GNG2: variants seen among roughly 807,000 people sequenced by gnomAD.
GNG2 encodes the protein G protein subunit gamma 2, also known as guanine nucleotide-binding protein G(I)/G(S)/G(O) subunit gamma-2.
GNG2 carries 5 observed loss-of-function variants against 5.5 expected under a neutral mutation model. The observed-to-expected ratio is 0.91, with a 90% CI of 0.48 to 1.92. The LOEUF is 1.92. Ranked by LOEUF, GNG2 falls within the 30% of genes most tolerant of loss-of-function variation. The pLI is 0.01. For missense variants in GNG2, 55 were observed against 88.4 expected, an observed-to-expected ratio of 0.62 and a Z score of 1.52; for synonymous variants, 28 against 32.0, an observed-to-expected ratio of 0.88 and a Z score of 0.42.
chr14:51,933,659 G>A (rs1253706), intron 2 of GNG2, among the ~76,000 whole-genome samples: 79,321 of 152,064 alleles, frequency 0.52, 22,054 homozygotes, highest in African/African-American at 0.73. Context: ...AATGAGAGCC[G>A]CTGCTCGAGT....
In GNG2 at chr14:51,905,194, T is replaced by C. The variant is rs190217365; in HGVS notation, c.-30+27537T>C. On this transcript the variant is annotated intron_variant, in intron 2 of 3. Coordinates refer to ENST00000556766, the MANE Select transcript of GNG2 (RefSeq NM_053064.5). ...GGAAATAGTTTGTCCCAAATAACTA[T>C]TTACCTTTCACTGTGGCTCCAATCT... 1.1e-4 allele frequency among the ~76,000 whole-genome samples: 17 copies of C among 152,324 alleles called. No homozygotes were observed. The East Asian group carries it at 2.3e-3, about 21-fold the overall frequency.
chr14:51,929,421 A>T (rs894913333), intron 2 of GNG2, among the ~76,000 whole-genome samples: 2 of 152,236 alleles, frequency 1.3e-5, no homozygotes, highest in African/African-American at 4.8e-5. Flanking sequence ...AGAGGCACTA[A>T]GCAGCCTTTC....
Position 51,955,652 on chromosome 14 carries a change from G to A in GNG2, c.87+4887G>A, listed in dbSNP as rs538327522. On this transcript the variant is annotated intron_variant, in intron 3 of 3. Transcript: ENST00000556766. ...GGACTTGGAGATTCCAAGCATGAATGTAACTGGACAAATAAAGCTGTGGTA... is the reference window on the plus strand; with the variant it reads ...GGACTTGGAGATTCCAAGCATGAATATAACTGGACAAATAAAGCTGTGGTA... 5.3e-5 allele frequency among the ~76,000 whole-genome samples: 8 copies of A among 152,294 alleles called. No homozygotes were observed. In the East Asian group the frequency reaches 9.6e-4, roughly 18 times the overall value.
intron 1 of GNG2, among the ~76,000 whole-genome samples, chr14:51,874,418 C>G (rs2140127873): frequency 1.7e-5 from 2 of 118,370 alleles, no homozygotes; most frequent in African/African-American, 6.6e-5. Context: ...GAGCGAGACT[C>G]TGTCTCAAAA....
intron 2 of GNG2, among the ~76,000 whole-genome samples, chr14:51,881,649 A>G (rs1884078932): frequency 1.3e-5 from 2 of 151,774 alleles, no homozygotes. Context: ...ACTTGAAAGA[A>G]CAATAAATTA....
intron 3 of GNG2, among the ~76,000 whole-genome samples, chr14:51,954,953 G>A (rs928728083): frequency 6.6e-6 from 1 of 152,132 alleles, no homozygotes; most frequent in Non-Finnish European, 1.5e-5. Context: ...CCATTATACA[G>A]ACATAGCCCC....
Position 51,966,962 on chromosome 14 carries a change from G to GCCCCCC in GNG2, c.*280_*285dup, listed in dbSNP as rs58532727. 1.1e-3 allele frequency: 112 copies of GCCCCCC among 106,420 alleles called. No homozygotes were observed. The highest frequency in any genetic ancestry group is 1.7e-3 in the African/African-American group (41 of 24,108). 6.6% of individuals were successfully genotyped at this position (106,420 alleles called of 1,614,324 possible). On this transcript the variant is annotated 3_prime_UTR_variant, in exon 4 of 4. Coordinates refer to ENST00000556766, the MANE Select transcript of GNG2 (RefSeq NM_053064.5). Reference sequence around the variant, plus strand: ...GTCACTTCTTTTCTGCTATCCCCCAGCCCCCCCCCCAAAATCCTCATGTTT... The same window carrying GCCCCCC: ...GTCACTTCTTTTCTGCTATCCCCCAGCCCCCCCCCCCCCCCCAAAATCCTCATGTTT...
intron 2 of GNG2, among the ~76,000 whole-genome samples, chr14:51,942,329 C>T (rs748850627): frequency 1.3e-5 from 2 of 152,012 alleles, no homozygotes; most frequent in Non-Finnish European, 2.9e-5. Flanking sequence ...GGCCTTTGAG[C>T]AGCACAATTC....
At chr14:51,870,366 A>T (rs530200707) in intron 1 of GNG2, among the ~76,000 whole-genome samples, 1 of 152,376 alleles carries the variant, frequency 6.6e-6, no homozygotes, top group South Asian at 2.1e-4. Context: ...AACCTTCTAA[A>T]CAAAATATTC....
At chr14:51,907,535 T>C (rs768031247) in intron 2 of GNG2, among the ~76,000 whole-genome samples, 2 of 152,224 alleles carry the variant, frequency 1.3e-5, no homozygotes, top group Non-Finnish European at 2.9e-5. Context: ...AGATTGCCTT[T>C]AGCAAGGAAA....
intron 1 of GNG2, among the ~76,000 whole-genome samples, chr14:51,862,728 A>G (rs1882599658): frequency 6.6e-6 from 1 of 152,264 alleles, no homozygotes; most frequent in Non-Finnish European, 1.5e-5. Context: ...AACAACTAAG[A>G]GGTGCCTATT....
intron 2 of GNG2, among the ~76,000 whole-genome samples, chr14:51,884,674 G>C (rs898861304): frequency 3.3e-5 from 5 of 152,182 alleles, no homozygotes; most frequent in Admixed American, 1.3e-4. Flanking sequence ...TTTTGATTCT[G>C]CCCCTTGGAC....
At chr14:51,921,555 T>G (rs1887016372) in intron 2 of GNG2, among the ~76,000 whole-genome samples, 1 of 152,210 alleles carries the variant, frequency 6.6e-6, no homozygotes, top group African/African-American at 2.4e-5. Flanking sequence ...ATAGAATGCT[T>G]TATTTCATGC....
intron 3 of GNG2, among the ~76,000 whole-genome samples, chr14:51,951,474 G>A (rs552678162): frequency 3.9e-5 from 6 of 152,218 alleles, no homozygotes; most frequent in Admixed American, 6.5e-5. Flanking sequence ...GCTATGGCAC[G>A]GTGGCAAAGT....
At chr14:51,926,203 C>T (rs1354274311) in intron 2 of GNG2, among the ~76,000 whole-genome samples, 1 of 152,018 alleles carries the variant, frequency 6.6e-6, no homozygotes, top group Non-Finnish European at 1.5e-5. Flanking sequence ...CTTCCGAAGT[C>T]TTCTGAAATC....
intron 2 of GNG2, among the ~76,000 whole-genome samples, chr14:51,852,978 C>T (rs906803861): frequency 6.6e-6 from 1 of 152,110 alleles, no homozygotes; most frequent in South Asian, 2.1e-4. Context: ...ACTTCAGGGT[C>T]TTTCCTTTTC....
intron 3 of GNG2, among the ~76,000 whole-genome samples, chr14:51,964,268 G>A (rs1232159533): frequency 1.3e-5 from 2 of 152,156 alleles, no homozygotes; most frequent in Admixed American, 6.5e-5. Flanking sequence ...CTCCAGAAGG[G>A]ACCAACCAAG....
chr14:51,828,680 C>T (rs1881099353), intron 2 of GNG2, among the ~76,000 whole-genome samples: 1 of 152,078 alleles, frequency 6.6e-6, no homozygotes, highest in African/African-American at 2.4e-5. Context: ...GTTTACAGAC[C>T]CATCAAGCTG....
chr14:51,913,505 C>T (rs959252233), intron 2 of GNG2, among the ~76,000 whole-genome samples: 11 of 152,000 alleles, frequency 7.2e-5, no homozygotes, highest in South Asian at 2.1e-4. Flanking sequence ...CAGAGTGAGA[C>T]CCTGTCTCTA....
Sources: gnomAD v4.1 joint callset for allele counts (sites outside exome capture counted in the v4.1 genomes callset) on GRCh38, gnomAD v4.1.1 for gene constraint, MANE v1.5 for transcripts, NCBI Gene and HGNC (gene_info 2026-07-23, HGNC 2026-07-21) for gene names.